The following PLD5 variants were observed in gnomAD, a reference collection of about 807,000 sequenced individuals.
PLD5 encodes inactive phospholipase D5.
Under a neutral mutation model 61.1 loss-of-function variants are expected in PLD5, and 36 were observed. The ratio of observed to expected loss-of-function variants is 0.59; its 90% CI spans 0.45 to 0.78. PLD5 has a LOEUF of 0.78. Ranked by LOEUF, PLD5 falls within the 30% of genes least tolerant of loss-of-function variation. The pLI, the probability that PLD5 is intolerant of heterozygous loss-of-function variation, is 0.00. For synonymous variants in PLD5, 243 were observed against 242.8 expected (o/e 1.00, Z -0.01); for missense variants, 515 against 644.4 (o/e 0.80, Z 2.17).
rs1166752286 is a variant in PLD5, at chr1:242,306,774, CA to C, written c.327-18245del. Among the ~76,000 whole-genome samples, 52 of 127,756 alleles carry C rather than the reference CA, an allele frequency of 4.1e-4. 2 individuals are homozygous for C. The highest frequency in any genetic ancestry group is 9.4e-4 in the Admixed American group (11 of 11,714). The allele number at this position is 127,756 out of a possible 152,430, so 83.8% of individuals were successfully genotyped here. A position where few individuals can be genotyped will look rare whatever the true frequency, so the allele number is the denominator to read the frequency against. ...ACACACACACACACACACACACACA[CA>C]CACACACACACACACACCCCACTTA... On this transcript the variant is annotated intron_variant, in intron 2 of 9. Coordinates refer to ENST00000536534, the MANE Select transcript of PLD5 (RefSeq NM_001372062.1).
At chr1:242,500,337 T>G (rs765478387) in intron 1 of PLD5, among the ~76,000 whole-genome samples, 2 of 152,206 alleles carry the variant, frequency 1.3e-5, no homozygotes, top group African/African-American at 2.4e-5. Context: ...GAAAACACAG[T>G]TTATTTGGTT....
intron 3 of PLD5, among the ~76,000 whole-genome samples, chr1:242,276,556 G>A (rs1674425862): frequency 6.6e-6 from 1 of 150,966 alleles, no homozygotes; most frequent in Non-Finnish European, 1.5e-5. Flanking sequence ...GAGGGGAATT[G>A]GAGTGGTGGC....
chr1:242,381,629 TCTC>T (rs1662284009), intron 1 of PLD5, among the ~76,000 whole-genome samples: 1 of 152,138 alleles, frequency 6.6e-6, no homozygotes, highest in Non-Finnish European at 1.5e-5. Context: ...ATTTTTCACT[TCTC>T]CTTTTTATTT....
intron 5 of PLD5, among the ~76,000 whole-genome samples, chr1:242,180,681 C>G (rs891424213): frequency 2.6e-4 from 39 of 152,198 alleles, no homozygotes; most frequent in African/African-American, 9.4e-4. Context: ...TGTTGGAACT[C>G]AAGGATTTGC....
intron 1 of PLD5, among the ~76,000 whole-genome samples, chr1:242,385,798 A>G (rs1662566573): frequency 6.6e-6 from 1 of 152,250 alleles, no homozygotes; most frequent in South Asian, 2.1e-4. Context: ...ATGATGGTCA[A>G]CGAGGTATTT....
At chr1:242,233,591 G>T (rs1253008300) in intron 4 of PLD5, among the ~76,000 whole-genome samples, 6 of 152,094 alleles carry the variant, frequency 3.9e-5, no homozygotes, top group Non-Finnish European at 8.8e-5. Context: ...AGGGAGGGCT[G>T]GCGGCAGGCA....
intron 1 of PLD5, among the ~76,000 whole-genome samples, chr1:242,512,831 A>G (rs539500584): frequency 6.6e-5 from 10 of 151,752 alleles, no homozygotes; most frequent in African/African-American, 2.4e-4. Flanking sequence ...GTAGTTTCTC[A>G]TGCAAACCTG....
intron 6 of PLD5, among the ~76,000 whole-genome samples, chr1:242,124,176 T>G (rs953146302): frequency 6.6e-6 from 1 of 152,142 alleles, no homozygotes; most frequent in Non-Finnish European, 1.5e-5. Flanking sequence ...GTAGGTAAGG[T>G]CGATACCTTC....
intron 1 of PLD5, among the ~76,000 whole-genome samples, chr1:242,478,557 G>T (rs532307018): frequency 6.6e-6 from 1 of 152,320 alleles, no homozygotes; most frequent in East Asian, 1.9e-4. Flanking sequence ...CCAGGAATGT[G>T]AAGATCGTAA....
At chr1:242,496,178 GAA>G (rs71769359) in intron 1 of PLD5, among the ~76,000 whole-genome samples, 66,998 of 151,628 alleles carry the variant, frequency 0.44, 15,144 homozygotes, top group East Asian at 0.64. Context: ...TGCAATGGGG[GAA>G]AAAAATCAGA....
chr1:242,473,911 C>T (rs1389392975), intron 1 of PLD5, among the ~76,000 whole-genome samples: 1 of 151,936 alleles, frequency 6.6e-6, no homozygotes, highest in Non-Finnish European at 1.5e-5. Flanking sequence ...TGAGTTTCAA[C>T]TGTTCAATGG....
intron 1 of PLD5, among the ~76,000 whole-genome samples, chr1:242,361,941 C>T (rs1661088005): frequency 6.6e-6 from 1 of 151,034 alleles, no homozygotes; most frequent in Non-Finnish European, 1.5e-5. Context: ...TCAAGACTAC[C>T]CTGGCCAACA....
chr1:242,486,514 CCAT>C (rs1667966569), intron 1 of PLD5, among the ~76,000 whole-genome samples: 1 of 152,166 alleles, frequency 6.6e-6, no homozygotes, highest in Non-Finnish European at 1.5e-5. Context: ...CAATGAGATA[CCAT>C]CTCACACCAG....
chr1:242,509,852 C>T (rs1478627650), intron 1 of PLD5, among the ~76,000 whole-genome samples: 4 of 152,170 alleles, frequency 2.6e-5, no homozygotes, highest in East Asian at 3.9e-4. Context: ...AGCAGCACCA[C>T]GAGCAGGCTG....
intron 1 of PLD5, among the ~76,000 whole-genome samples, chr1:242,415,510 G>T (rs545514461): frequency 4.4e-4 from 59 of 132,990 alleles, no homozygotes; most frequent in African/African-American, 1.7e-3. Context: ...AAGCCATAAA[G>T]ATTTTTTTTT....
chr1:242,247,475 G>A (rs1027342974), intron 4 of PLD5, among the ~76,000 whole-genome samples: 6 of 152,134 alleles, frequency 3.9e-5, no homozygotes, highest in Admixed American at 1.3e-4. Flanking sequence ...TGGTTCACAG[G>A]GTGTGACTTA....
At chr1:242,093,813 C>A (rs1318462011) in intron 9 of PLD5, among the ~76,000 whole-genome samples, 1 of 151,156 alleles carries the variant, frequency 6.6e-6, no homozygotes, top group Admixed American at 6.6e-5. Flanking sequence ...TCGGGGGCAG[C>A]CTGGGGTGGG....
In PLD5 at chr1:242,089,402, G is replaced by C; in HGVS notation, c.*452C>G. ...CTTAGCTGACTGTGTAGGTCTTGGA[G>C]ACGATTTACAAGAATAAACACTTGG... On this transcript the variant is annotated 3_prime_UTR_variant, in exon 10 of 10. Transcript: ENST00000536534. The C allele has an allele frequency of 2.4e-6, 1 of 410,810 alleles. No individual in the cohort carries two copies. Among genetic ancestry groups the C allele is most frequent in the Non-Finnish European group, 4.3e-6 (1 of 233,042 alleles). The allele number at this position is 410,810 out of a possible 1,614,324, so 25.4% of individuals were successfully genotyped here.
intron 6 of PLD5, among the ~76,000 whole-genome samples, chr1:242,120,655 C>A (rs1265779418): frequency 6.6e-6 from 1 of 152,116 alleles, no homozygotes; most frequent in African/African-American, 2.4e-5. Flanking sequence ...GGTGACTTAA[C>A]TGAACAATAA....
Sources: gnomAD v4.1 joint callset for allele counts (sites outside exome capture counted in the v4.1 genomes callset) on GRCh38, gnomAD v4.1.1 for gene constraint, MANE v1.5 for transcripts, NCBI Gene and HGNC (gene_info 2026-07-23, HGNC 2026-07-21) for gene names.